Variants in GULP1 observed in about 807,000 individuals in gnomAD.
GULP1 encodes the protein PTB domain-containing engulfment adapter protein 1.
GULP1 carries 19 observed loss-of-function variants against 40.9 expected under a neutral mutation model. That is an observed-to-expected ratio of 0.46 (90% CI 0.32 to 0.68). The LOEUF is 0.68. Ranked by LOEUF, GULP1 falls within the 30% of genes least tolerant of loss-of-function variation. GULP1 has a pLI of 0.03. For synonymous variants in GULP1, 119 were observed against 117.6 expected, an observed-to-expected ratio of 1.01 and a Z score of -0.08; for missense variants, 312 against 362.2, an observed-to-expected ratio of 0.86 and a Z score of 1.12.
intron 1 of GULP1, among the ~76,000 whole-genome samples, chr2:188,371,286 G>C (rs1311162122): frequency 6.6e-6 from 1 of 152,002 alleles, no homozygotes; most frequent in Non-Finnish European, 1.5e-5. Context: ...TAATAGCTTA[G>C]AATGGTTTTC....
chr2:188,576,412 T>C (rs1286148746), intron 9 of GULP1, among the ~76,000 whole-genome samples: 2 of 152,098 alleles, frequency 1.3e-5, no homozygotes, highest in Non-Finnish European at 2.9e-5. Context: ...TCCCTAACAA[T>C]AAAAAGTATA....
At position 188,541,308 on chromosome 2, in the gene GULP1, G is replaced by A; in HGVS notation, c.389G>A (p.Ser130Asn). The A allele has an allele frequency of 6.2e-7, 1 of 1,613,050 alleles. No homozygotes were observed. Among genetic ancestry groups the A allele is most frequent in the Non-Finnish European group, 8.5e-7 (1 of 1,179,066 alleles). The change falls in exon 7 of 12, where the codon AGC becomes AAC. Residue 130 changes from serine (S) to asparagine (N), a missense_variant. By Grantham distance (46) the Ser-to-Asn change is conservative (BLOSUM62 1). Coordinates refer to ENST00000409830, the MANE Select transcript of GULP1 (RefSeq NM_016315.4). ...SNKHLCYVFD[S>N]EKCAEEITLT... ...AAACATTTGTGCTATGTATTTGACA[G>A]CGAAAAGTGTGTAAGTATCCCAGAT... is the stretch of plus-strand genomic sequence containing the variant.
At chr2:188,335,660 T>C (rs1574498371) in intron 1 of GULP1, among the ~76,000 whole-genome samples, 1 of 152,222 alleles carries the variant, frequency 6.6e-6, no homozygotes, top group Non-Finnish European at 1.5e-5. Context: ...TATAGTACTT[T>C]GCATAGGATT....
Position 188,594,202 on chromosome 2 carries a change from T to A in GULP1, c.*191T>A. The A allele has an allele frequency of 2.4e-6, 1 of 418,682 alleles. No individual in the cohort carries two copies. The highest frequency in any genetic ancestry group is 4.3e-6 in the Non-Finnish European group (1 of 231,026). The allele number at this position is 418,682 out of a possible 1,614,324, so 25.9% of individuals were successfully genotyped here. On this transcript the variant is annotated 3_prime_UTR_variant, in exon 12 of 12. Transcript: ENST00000409830. ...AATTTTTATTTTAAAAACAGCTTAC[T>A]GTAAAGTAGATCATACTTTTATGTT...
At chr2:188,539,556 G>T (rs1210536594) in intron 6 of GULP1, among the ~76,000 whole-genome samples, 1 of 152,070 alleles carries the variant, frequency 6.6e-6, no homozygotes, top group Non-Finnish European at 1.5e-5. Context: ...TCTTAGACTT[G>T]GTTCCCCCTG....
intron 7 of GULP1, among the ~76,000 whole-genome samples, chr2:188,559,560 T>C (rs1441546655): frequency 6.6e-6 from 1 of 152,184 alleles, no homozygotes; most frequent in Non-Finnish European, 1.5e-5. Flanking sequence ...GCCCACTTGC[T>C]TTTGATTTTA....
Position 188,399,582 on chromosome 2 carries a change from A to G in GULP1, c.-45+15693A>G, listed in dbSNP as rs139751985. On this transcript the variant is annotated intron_variant, in intron 2 of 11. Coordinates refer to ENST00000409830, the MANE Select transcript of GULP1 (RefSeq NM_016315.4). ...TAAAGCCATCAAACTGTCCAGGTGC[A>G]GTGGCTTATATCTGTAATCCCAGCA... is the stretch of plus-strand genomic sequence containing the variant. Among the ~76,000 whole-genome samples the G allele has an allele frequency of 1.4e-4, 21 of 149,666 alleles. No individual in the cohort carries two copies. In the East Asian group the frequency reaches 4.1e-3, roughly 29 times the overall value.
At chr2:188,304,790 A>C (rs946947542) in intron 1 of GULP1, among the ~76,000 whole-genome samples, 1 of 152,200 alleles carries the variant, frequency 6.6e-6, no homozygotes, top group Non-Finnish European at 1.5e-5. Flanking sequence ...CTCTTCAGTC[A>C]GATAAAGCAT....
At chr2:188,580,382 T>C (rs1005015344) in intron 9 of GULP1, among the ~76,000 whole-genome samples, 3 of 151,384 alleles carry the variant, frequency 2.0e-5, no homozygotes, top group East Asian at 1.9e-4. Context: ...TGAAACCCCG[T>C]CTCTACTAAA....
rs1408738635 is a variant in GULP1, at chr2:188,404,772, T to C, written c.-45+20883T>C. 3.9e-5 allele frequency among the ~76,000 whole-genome samples: 6 copies of C among 152,028 alleles called. No homozygotes were observed. In the South Asian group the frequency reaches 6.2e-4, roughly 16 times the overall value. ...GACCAGGCCAGCCCCCGAGTCTCCA[T>C]CTCTAGGCTGCCACCTGTGGACCCA... On this transcript the variant is annotated intron_variant, in intron 2 of 11. Transcript: ENST00000409830.
At chr2:188,383,731 A>T (rs1434860983) in intron 1 of GULP1, 32 bp from the exon 2 acceptor site, 1 of 152,212 alleles carries the variant, frequency 6.6e-6, no homozygotes, top group Non-Finnish European at 1.5e-5. Flanking sequence ...ATTATTGATT[A>T]ATTCTAAGTC....
intron 3 of GULP1, among the ~76,000 whole-genome samples, chr2:188,479,466 T>G (rs573610344): frequency 1.4e-4 from 21 of 152,168 alleles, no homozygotes; most frequent in African/African-American, 5.1e-4. Context: ...TATATAGAGA[T>G]AGGATCTTGC....
In GULP1 at chr2:188,593,941, A is replaced by G; in HGVS notation, c.845A>G (p.Glu282Gly). 6.5e-7 allele frequency: 1 copy of G among 1,541,654 alleles called. No individual in the cohort carries two copies. The highest frequency in any genetic ancestry group is 9.0e-7 in the Non-Finnish European group (1 of 1,115,336). Reference sequence around the variant, plus strand: ...TAATTATTTTATTCTGTTTTACAGGAGGGGTTCAAAATGGGACTAACTCTT... The same window carrying G: ...TAATTATTTTATTCTGTTTTACAGGGGGGGTTCAAAATGGGACTAACTCTT... ...DIQSKLDEMQ[E>G]GFKMGLTLEG... Residue 282 changes from glutamate to glycine, a missense_variant and splice_region_variant, in exon 12 of 12, where the codon GAG becomes GGG. Glu to Gly is a moderately conservative substitution (Grantham distance 98). Transcript: ENST00000409830.
chr2:188,584,593 A>G (rs1234342787), intron 10 of GULP1, among the ~76,000 whole-genome samples, 190 bp downstream of exon 10: 1 of 151,932 alleles, frequency 6.6e-6, no homozygotes, highest in African/African-American at 2.4e-5. Flanking sequence ...TACACTACTA[A>G]TGACATCTCT....
intron 7 of GULP1, among the ~76,000 whole-genome samples, chr2:188,565,269 G>A (rs2153422129): frequency 6.6e-6 from 1 of 151,956 alleles, no homozygotes; most frequent in Non-Finnish European, 1.5e-5. Context: ...AAAGCAAGTG[G>A]CTATATTCCC....
chr2:188,399,708 A>AAC (rs1454331609), intron 2 of GULP1, among the ~76,000 whole-genome samples: 36 of 150,334 alleles, frequency 2.4e-4, no homozygotes, highest in African/African-American at 8.0e-4. Context: ...AAAAAAAAAA[A>AAC]AAAAAACATC....
At chr2:188,529,770 G>A (rs764851368) in intron 6 of GULP1, among the ~76,000 whole-genome samples, 14 of 152,156 alleles carry the variant, frequency 9.2e-5, no homozygotes, top group Non-Finnish European at 2.1e-4. Flanking sequence ...CACTTGTCTG[G>A]TGTCTCTTCT....
chr2:188,378,338 T>A (rs911821348), intron 1 of GULP1, among the ~76,000 whole-genome samples: 1 of 151,520 alleles, frequency 6.6e-6, no homozygotes, highest in Non-Finnish European at 1.5e-5. Flanking sequence ...CAAAAAAAAT[T>A]ATAAGGTGGC....
chr2:188,411,648 A>G (rs1363619635), intron 2 of GULP1, among the ~76,000 whole-genome samples: 3 of 152,216 alleles, frequency 2.0e-5, no homozygotes, highest in South Asian at 4.1e-4. Flanking sequence ...AGAGAATTTC[A>G]TCCACATACC....
Sources: gnomAD v4.1 joint callset for allele counts (sites outside exome capture counted in the v4.1 genomes callset) on GRCh38, gnomAD v4.1.1 for gene constraint, MANE v1.5 for transcripts, NCBI Gene and HGNC (gene_info 2026-07-23, HGNC 2026-07-21) for gene names.